PIP4K2A: variants seen among roughly 807,000 people sequenced by gnomAD.
The protein encoded by PIP4K2A is phosphatidylinositol-5-phosphate 4-kinase type 2 alpha, also known as phosphatidylinositol 5-phosphate 4-kinase type-2 alpha.
A neutral mutation model predicts 42.9 loss-of-function variants in PIP4K2A; 14 were observed. The observed-to-expected ratio is 0.33, with a 90% CI of 0.22 to 0.51. PIP4K2A has a LOEUF of 0.51. Among genes scored for constraint, PIP4K2A ranks in the 20% least tolerant of loss-of-function variants. The pLI, the probability that PIP4K2A is intolerant of heterozygous loss-of-function variation, is 0.97. For synonymous variants in PIP4K2A, 192 were observed against 192.2 expected (o/e 1.00, Z 0.01); for missense variants, 434 against 519.8 (o/e 0.83, Z 1.61).
intron 1 of PIP4K2A, among the ~76,000 whole-genome samples, chr10:22,674,876 T>C (rs1045630467): frequency 1.2e-4 from 19 of 152,022 alleles, no homozygotes; most frequent in African/African-American, 4.4e-4. Context: ...GGCAGGAAGA[T>C]TGCTTAAGCC....
At chr10:22,589,234 A>G (rs1219309025) in intron 4 of PIP4K2A, among the ~76,000 whole-genome samples, 1 of 152,250 alleles carries the variant, frequency 6.6e-6, no homozygotes, top group African/African-American at 2.4e-5. Context: ...GAAAGTATAA[A>G]GAGAATGCAT....
rs558824591 is a variant in PIP4K2A at position 22,650,321 on chromosome 10, C to T, written c.145-40604G>A. On this transcript the variant is annotated intron_variant, in intron 1 of 9. Coordinates refer to ENST00000376573, the MANE Select transcript of PIP4K2A (RefSeq NM_005028.5). Reference sequence around the variant, plus strand: ...CAGACTGGAGTATATAGTGACATGGCCACAGCTCACAGCAACTTCGACTTC... The same window carrying T: ...CAGACTGGAGTATATAGTGACATGGTCACAGCTCACAGCAACTTCGACTTC... Among the ~76,000 whole-genome samples, 10 of 152,242 alleles carry T rather than the reference C, an allele frequency of 6.6e-5. No homozygotes were observed. In the South Asian group the frequency reaches 1.7e-3, roughly 25 times the overall value.
chr10:22,558,813 T>C (rs2130774778), intron 6 of PIP4K2A, among the ~76,000 whole-genome samples: 1 of 152,356 alleles, frequency 6.6e-6, no homozygotes, highest in South Asian at 2.1e-4. Flanking sequence ...TGTGAAACAG[T>C]GCTGTAAGTA....
intron 4 of PIP4K2A, among the ~76,000 whole-genome samples, chr10:22,589,021 C>T (rs894109301): frequency 2.6e-5 from 4 of 152,124 alleles, no homozygotes; most frequent in African/African-American, 7.2e-5. Context: ...TGTTAGGTTA[C>T]AATAACTAAC....
intron 5 of PIP4K2A, among the ~76,000 whole-genome samples, chr10:22,572,878 T>G (rs931002725): frequency 6.6e-6 from 1 of 152,178 alleles, no homozygotes; most frequent in African/African-American, 2.4e-5. Context: ...GTCATCTTTC[T>G]CAGGGGAACC....
chr10:22,619,361 T>G (rs537279915), intron 1 of PIP4K2A, among the ~76,000 whole-genome samples: 3 of 151,880 alleles, frequency 2.0e-5, no homozygotes, highest in Admixed American at 6.6e-5. Flanking sequence ...GTCTGGGAAA[T>G]GTACTTTTAT....
intron 1 of PIP4K2A, among the ~76,000 whole-genome samples, chr10:22,634,833 A>G (rs963907215): frequency 1.3e-5 from 2 of 152,204 alleles, no homozygotes; most frequent in Non-Finnish European, 2.9e-5. Context: ...ACTAGGCTGT[A>G]AAATGTCTCC....
intron 9 of PIP4K2A, among the ~76,000 whole-genome samples, chr10:22,538,804 C>G (rs201562656): frequency 1.3e-5 from 2 of 152,132 alleles, no homozygotes; most frequent in South Asian, 2.1e-4. Context: ...TGCTCGGGGG[C>G]GGTGAGGTCC....
At chr10:22,712,754 C>T (rs986868193) in intron 1 of PIP4K2A, among the ~76,000 whole-genome samples, 9 of 152,110 alleles carry the variant, frequency 5.9e-5, no homozygotes, top group Admixed American at 2.0e-4. Flanking sequence ...AGTCATTAAG[C>T]TGGATAAAAA....
intron 1 of PIP4K2A, among the ~76,000 whole-genome samples, chr10:22,676,683 A>T (rs769793264): frequency 6.6e-6 from 1 of 152,192 alleles, no homozygotes; most frequent in Non-Finnish European, 1.5e-5. Flanking sequence ...ACAAGAAGTA[A>T]AAGGTACATC....
chr10:22,685,598 C>T (rs534470993), intron 1 of PIP4K2A, among the ~76,000 whole-genome samples: 82 of 152,102 alleles, frequency 5.4e-4, no homozygotes, highest in Non-Finnish European at 1.1e-3. Context: ...CCTTTAGTCT[C>T]AGCTACCCAG....
At chr10:22,642,260 ACTTACAACCTC>A (rs576938519) in intron 1 of PIP4K2A, among the ~76,000 whole-genome samples, 395 of 152,226 alleles carry the variant, frequency 2.6e-3, no homozygotes, top group African/African-American at 9.0e-3. Context: ...GGTTTCTGTC[ACTTACAACCTC>A]AGTCCTATAG....
chr10:22,636,811 C>T (rs904144437), intron 1 of PIP4K2A, among the ~76,000 whole-genome samples: 42 of 152,192 alleles, frequency 2.8e-4, no homozygotes, highest in African/African-American at 7.2e-4. Flanking sequence ...TGGTACTGGC[C>T]GCGAGGGTGG....
chr10:22,700,423 C>A (rs1204375552), intron 1 of PIP4K2A, among the ~76,000 whole-genome samples: 1 of 152,200 alleles, frequency 6.6e-6, no homozygotes, highest in Non-Finnish European at 1.5e-5. Flanking sequence ...AGACTGAACA[C>A]CACCTGAACG....
At chr10:22,549,695 G>A (rs1836349682) in intron 7 of PIP4K2A, among the ~76,000 whole-genome samples, 1 of 151,734 alleles carries the variant, frequency 6.6e-6, no homozygotes, top group South Asian at 2.1e-4. Flanking sequence ...CAAAAAATTA[G>A]CCAGGCGTGG....
At chr10:22,642,186 C>T (rs1048914505) in intron 1 of PIP4K2A, 2 of 152,170 alleles carry the variant, frequency 1.3e-5, no homozygotes, top group African/African-American at 2.4e-5. Context: ...CATCCTAGCT[C>T]GGGCCTCCAG....
chr10:22,595,546 C>G (rs1183931573), intron 3 of PIP4K2A, among the ~76,000 whole-genome samples: 3 of 152,072 alleles, frequency 2.0e-5, no homozygotes, highest in Non-Finnish European at 4.4e-5. Flanking sequence ...CACTTGAGGC[C>G]AGGAGTTCGA....
At chr10:22,655,368 G>A (rs1160908800) in intron 1 of PIP4K2A, among the ~76,000 whole-genome samples, 1 of 152,198 alleles carries the variant, frequency 6.6e-6, no homozygotes, top group Non-Finnish European at 1.5e-5. Flanking sequence ...GGCAGGAGGT[G>A]GAGGTCTGTT....
At chr10:22,588,105 A>C (rs1319838725) in intron 4 of PIP4K2A, among the ~76,000 whole-genome samples, 1 of 152,200 alleles carries the variant, frequency 6.6e-6, no homozygotes, top group East Asian at 1.9e-4. Context: ...TTTTGCTGAG[A>C]TGTATATGAG....
Sources: gnomAD v4.1 joint callset for allele counts (sites outside exome capture counted in the v4.1 genomes callset) on GRCh38, gnomAD v4.1.1 for gene constraint, MANE v1.5 for transcripts, NCBI Gene and HGNC (gene_info 2026-07-23, HGNC 2026-07-21) for gene names.